Variants in RNLS observed in about 807,000 individuals in gnomAD.
RNLS encodes renalase, FAD dependent amine oxidase.
In RNLS, 39 loss-of-function variants were observed where a neutral mutation model predicts 39.8. The observed-to-expected ratio is 0.98, with a 90% CI of 0.76 to 1.28. The LOEUF (loss-of-function observed/expected upper bound fraction) is 1.28, where lower values mean the gene tolerates loss of function less well. Ranked by LOEUF, RNLS falls within the 50% of genes most tolerant of loss-of-function variation. RNLS has a pLI of 0.00. For missense variants in RNLS, 410 were observed against 413.3 expected (o/e 0.99, Z 0.07); for synonymous variants, 147 against 150.7 (o/e 0.98, Z 0.18).
intron 4 of RNLS, among the ~76,000 whole-genome samples, chr10:88,526,044 G>T (rs1469337123): frequency 2.6e-5 from 4 of 152,030 alleles, no homozygotes; most frequent in African/African-American, 4.8e-5. Context: ...AATGAATCCA[G>T]CAAAGCTGCA....
intron 4 of RNLS, among the ~76,000 whole-genome samples, chr10:88,496,107 T>C (rs915780413): frequency 3.9e-5 from 6 of 152,088 alleles, no homozygotes; most frequent in African/African-American, 1.4e-4. Flanking sequence ...ATGCAGCTTC[T>C]GGAAGGGGAG....
intron 4 of RNLS, among the ~76,000 whole-genome samples, chr10:88,504,844 A>AGTGTGTGTGTGTGTGT (rs34411833): frequency 2.2e-5 from 3 of 136,166 alleles, no homozygotes; most frequent in African/African-American, 8.2e-5. Flanking sequence ...AGAGAGACAG[A>AGTGTGTGTGTGTGTGT]GTGTGTGTGT....
intron 4 of RNLS, among the ~76,000 whole-genome samples, chr10:88,440,253 T>C (rs759225750): frequency 6.6e-6 from 1 of 152,158 alleles, no homozygotes; most frequent in Non-Finnish European, 1.5e-5. Flanking sequence ...TGCTTTAGGC[T>C]AAAGTAGTCA....
chr10:88,581,294 G>GTGTA (rs1376395535), intron 3 of RNLS, among the ~76,000 whole-genome samples: 7 of 129,870 alleles, frequency 5.4e-5, no homozygotes, highest in South Asian at 4.9e-4. Flanking sequence ...GTGTGTGTGT[G>GTGTA]TATATATATA....
the RNLS span, among the ~76,000 whole-genome samples, chr10:88,263,833 T>C: frequency 6.6e-6 from 1 of 152,164 alleles, no homozygotes; most frequent in East Asian, 1.9e-4. Context: ...CTTCTTTTAA[T>C]TTAAATAGGT....
intron 4 of RNLS, among the ~76,000 whole-genome samples, chr10:88,422,792 T>C (rs1286096136): frequency 1.3e-5 from 2 of 152,098 alleles, no homozygotes; most frequent in African/African-American, 4.8e-5. Context: ...GGTCTCATTC[T>C]GTCATCCATG....
At chr10:88,380,798 C>T (rs1851423622) in intron 4 of RNLS, among the ~76,000 whole-genome samples, 1 of 152,154 alleles carries the variant, frequency 6.6e-6, no homozygotes, top group African/African-American at 2.4e-5. Flanking sequence ...CAGTCTCTGA[C>T]TCTATCTTGA....
chr10:88,525,871 T>C (rs1286463521), intron 4 of RNLS, among the ~76,000 whole-genome samples: 1 of 152,096 alleles, frequency 6.6e-6, no homozygotes, highest in Non-Finnish European at 1.5e-5. Flanking sequence ...GAGATTATCA[T>C]ACCTCCCAGT....
intron 4 of RNLS, among the ~76,000 whole-genome samples, chr10:88,401,325 T>C (rs1328437005): frequency 6.6e-6 from 1 of 152,096 alleles, no homozygotes; most frequent in Non-Finnish European, 1.5e-5. Flanking sequence ...GACAGGTCTT[T>C]ATAACATATA....
rs138771821 is a variant in RNLS at position 88,416,588 on chromosome 10, C to A, written c.527-53863G>T. Among the ~76,000 whole-genome samples, 194 of 152,224 alleles carry A rather than the reference C, an allele frequency of 1.3e-3. 1 individual carries two copies. The highest frequency in any genetic ancestry group is 4.6e-3 in the African/African-American group (189 of 41,534). On this transcript the variant is annotated intron_variant, in intron 4 of 6. Coordinates refer to ENST00000331772, the MANE Select transcript of RNLS (RefSeq NM_001031709.3). ...TTAATTGGCAAAGTCTATTAGATTT[C>A]TTTTGAGGACTTTCATTATTTTATT... is the stretch of plus-strand genomic sequence containing the variant.
chr10:88,578,182 T>C (rs1850322793), intron 3 of RNLS, among the ~76,000 whole-genome samples: 2 of 152,172 alleles, frequency 1.3e-5, no homozygotes, highest in Non-Finnish European at 2.9e-5. Flanking sequence ...ATATCTTTCA[T>C]TCCTCACAAC....
the RNLS span, among the ~76,000 whole-genome samples, chr10:88,235,289 AAAG>A: frequency 1.3e-5 from 2 of 150,758 alleles, no homozygotes; most frequent in Admixed American, 6.6e-5. Context: ...AAAAAAAAAA[AAAG>A]AAAGAAATCC....
At chr10:88,287,577 C>T (rs1271991155) in intron 6 of RNLS, among the ~76,000 whole-genome samples, 1 of 152,130 alleles carries the variant, frequency 6.6e-6, no homozygotes, top group Non-Finnish European at 1.5e-5. Flanking sequence ...TTCATTCTCA[C>T]ACTGCTATTA....
intron 4 of RNLS, among the ~76,000 whole-genome samples, chr10:88,451,818 C>T (rs1842374699): frequency 6.6e-6 from 1 of 152,178 alleles, no homozygotes; most frequent in South Asian, 2.1e-4. Context: ...ATGATCTACA[C>T]CCACTACCTT....
intron 5 of RNLS, among the ~76,000 whole-genome samples, chr10:88,315,718 T>C (rs1388209291): frequency 6.7e-6 from 1 of 148,598 alleles, no homozygotes; most frequent in Admixed American, 6.8e-5. Flanking sequence ...ATGTGCCCGC[T>C]TAACCTCTTT....
intron 4 of RNLS, among the ~76,000 whole-genome samples, chr10:88,372,732 T>C (rs1301153744): frequency 6.6e-6 from 1 of 152,158 alleles, no homozygotes; most frequent in African/African-American, 2.4e-5. Flanking sequence ...AGAATTAATT[T>C]TGGACTGACA....
intron 5 of RNLS, among the ~76,000 whole-genome samples, chr10:88,339,570 T>C (rs548968516): frequency 2.0e-5 from 3 of 152,280 alleles, no homozygotes; most frequent in East Asian, 1.9e-4. Context: ...CCTCATAGGG[T>C]TGTTGTGATG....
the RNLS span, among the ~76,000 whole-genome samples, chr10:88,176,509 C>A: frequency 6.6e-6 from 1 of 152,182 alleles, no homozygotes; most frequent in African/African-American, 2.4e-5. Context: ...AATTCATTTA[C>A]ATTCAAGGTT....
intron 4 of RNLS, among the ~76,000 whole-genome samples, chr10:88,540,133 A>G (rs1847965345): frequency 6.6e-6 from 1 of 152,172 alleles, no homozygotes; most frequent in Non-Finnish European, 1.5e-5. Flanking sequence ...TATAGTTTCT[A>G]AAAATGCCTG....
Sources: gnomAD v4.1 joint callset for allele counts (sites outside exome capture counted in the v4.1 genomes callset) on GRCh38, gnomAD v4.1.1 for gene constraint, MANE v1.5 for transcripts, NCBI Gene and HGNC (gene_info 2026-07-23, HGNC 2026-07-21) for gene names.